Variants in CACNA1C observed in about 807,000 individuals in gnomAD.
CACNA1C encodes the protein voltage-dependent L-type calcium channel subunit alpha-1C.
Under a neutral mutation model 229.0 loss-of-function variants are expected in CACNA1C, and 30 were observed. The ratio of observed to expected loss-of-function variants is 0.13; its 90% confidence interval spans 0.10 to 0.18. CACNA1C has a LOEUF of 0.18. Among genes scored for constraint, CACNA1C ranks in the 10% least tolerant of loss-of-function variants. The probability of loss-of-function intolerance (pLI) is 1.00; values close to 1 mark genes in which losing one functional copy is unlikely to be tolerated. For missense variants in CACNA1C, 1,658 were observed against 2,845.0 expected (o/e 0.58, Z 9.49); for synonymous variants, 1,114 against 1,132.5 (o/e 0.98, Z 0.33).
chr12:2,127,905 A>G (rs766680070), intron 3 of CACNA1C, among the ~76,000 whole-genome samples: 2 of 152,216 alleles, frequency 1.3e-5, no homozygotes, highest in Non-Finnish European at 2.9e-5. Flanking sequence ...TTGAGTGACC[A>G]CCAGGTACCA....
At chr12:2,191,211 G>A (rs1200249962) in intron 3 of CACNA1C, among the ~76,000 whole-genome samples, 2 of 152,156 alleles carry the variant, frequency 1.3e-5, no homozygotes, top group Non-Finnish European at 2.9e-5. Context: ...GCAGGGGCAT[G>A]AGAAGAGCAG....
intron 3 of CACNA1C, among the ~76,000 whole-genome samples, chr12:2,325,342 G>C (rs1193203991): frequency 6.6e-6 from 1 of 152,252 alleles, no homozygotes; most frequent in Non-Finnish European, 1.5e-5. Flanking sequence ...GGAAATAGTA[G>C]ATTAGTTTAC....
chr12:2,072,410 G>A (rs550369872), intron 1 of CACNA1C, among the ~76,000 whole-genome samples: 10 of 152,058 alleles, frequency 6.6e-5, no homozygotes, highest in African/African-American at 2.4e-4. Context: ...GTGTTGCCCT[G>A]GCTGGTCTCA....
chr12:2,669,957 CA>C (rs1276335910), intron 38 of CACNA1C, among the ~76,000 whole-genome samples: 1 of 152,192 alleles, frequency 6.6e-6, no homozygotes, highest in Non-Finnish European at 1.5e-5. Flanking sequence ...CTGTATTAAA[CA>C]CACCTAACAA....
intron 3 of CACNA1C, among the ~76,000 whole-genome samples, chr12:2,326,787 C>T (rs530484552): frequency 6.6e-6 from 1 of 152,336 alleles, no homozygotes; most frequent in South Asian, 2.1e-4. Flanking sequence ...TCGATCTCTC[C>T]TCATTTCATG....
At chr12:2,655,697 C>G (rs986948064) in intron 34 of CACNA1C, among the ~76,000 whole-genome samples, 2 of 152,194 alleles carry the variant, frequency 1.3e-5, no homozygotes, top group African/African-American at 4.8e-5. Flanking sequence ...TCACTTAATC[C>G]TCAACACAAT....
chr12:2,158,140 A>T (rs1370364313), intron 3 of CACNA1C, among the ~76,000 whole-genome samples: 1 of 152,224 alleles, frequency 6.6e-6, no homozygotes. Flanking sequence ...CACCAATGAG[A>T]CAGTTCTAGT....
At position 2,514,252 on chromosome 12, in the gene CACNA1C, C is replaced by T. The variant is rs1022070668; in HGVS notation, c.1390+1268C>T. On this transcript the variant is annotated intron_variant, in intron 9 of 46. Transcript: ENST00000399655. Reference sequence around the variant, plus strand: ...GGACGAAGATAGCCAAAGATGTTCACGGGAGCAGAATCTCTGCTCCCTCAT... The same window carrying T: ...GGACGAAGATAGCCAAAGATGTTCATGGGAGCAGAATCTCTGCTCCCTCAT... 5.9e-5 allele frequency among the ~76,000 whole-genome samples: 9 copies of T among 152,268 alleles called. No homozygotes were observed. The South Asian group carries it at 8.3e-4, about 14-fold the overall frequency.
At chr12:2,366,462 G>T (rs1251254708) in intron 3 of CACNA1C, among the ~76,000 whole-genome samples, 1 of 152,142 alleles carries the variant, frequency 6.6e-6, no homozygotes, top group Admixed American at 6.5e-5. Context: ...AGGAAATATT[G>T]GGTGCTGGAG....
intron 3 of CACNA1C, among the ~76,000 whole-genome samples, chr12:2,366,471 A>C (rs2097720938): frequency 6.6e-6 from 1 of 152,242 alleles, no homozygotes; most frequent in Non-Finnish European, 1.5e-5. Flanking sequence ...TGGGTGCTGG[A>C]GGGAAGCAGG....
In CACNA1C at chr12:2,285,955, CAG is replaced by C. The variant is rs922355611; in HGVS notation, c.478-163020_478-163019del. Among the ~76,000 whole-genome samples, 12 of 152,178 alleles carry C rather than the reference CAG, an allele frequency of 7.9e-5. No homozygotes were observed. The highest frequency in any genetic ancestry group is 2.6e-4 in the Admixed American group (4 of 15,286). On this transcript the variant is annotated intron_variant, in intron 3 of 46. Coordinates refer to ENST00000399655, the MANE Select transcript of CACNA1C (RefSeq NM_000719.7). This position sits in a 1 kb window ranked among gnomAD's most constrained non-coding sequence, Gnocchi z 4.2. Reference sequence around the variant, plus strand: ...TTTAGGCGAGCCCTCATGTTATAGTCAGGGAGTTTGAGGCCCAGGGACATTTC... The same window carrying C: ...TTTAGGCGAGCCCTCATGTTATAGTCGGAGTTTGAGGCCCAGGGACATTTC...
In CACNA1C at chr12:2,581,637, T is replaced by C; in HGVS notation, c.1943T>C (p.Val648Ala). 6.3e-7 allele frequency: 1 copy of C among 1,590,726 alleles called. No individual in the cohort carries two copies. The highest frequency in any genetic ancestry group is 8.6e-7 in the Non-Finnish European group (1 of 1,167,762). ...SNLVASLLNS[V>A]RSIASLLLLL... ...CTGGTGGCATCCTTGCTGAACTCTG[T>C]GCGCTCCATCGCCTCCCTGCTCCTT... The change falls in exon 14 of 47, where the codon GTG (valine) becomes GCG (alanine). Residue 648 changes from valine to alanine, a missense_variant. This residue lies in a region of CACNA1C where 30 missense variants were observed against 96.6 expected (regional missense o/e 0.31). Coordinates refer to ENST00000399655, the MANE Select transcript of CACNA1C (RefSeq NM_000719.7).
intron 3 of CACNA1C, among the ~76,000 whole-genome samples, chr12:2,425,060 T>G (rs1261881408): frequency 6.6e-6 from 1 of 152,264 alleles, no homozygotes; most frequent in Non-Finnish European, 1.5e-5. Flanking sequence ...GCCCTGGGGC[T>G]AATGCAGGCC....
At chr12:2,241,707 A>C (rs1022218437) in intron 3 of CACNA1C, among the ~76,000 whole-genome samples, 3 of 152,188 alleles carry the variant, frequency 2.0e-5, no homozygotes, top group Admixed American at 6.5e-5. Flanking sequence ...TCCGTGGCTC[A>C]GAAGCAGCTA....
In CACNA1C at chr12:2,333,473, C is replaced by T. The variant is rs1199733164; in HGVS notation, c.478-115503C>T. On this transcript the variant is annotated intron_variant, in intron 3 of 46. Transcript: ENST00000399655. ...AAGCTTGTTATTAAATAACAAGCAT[C>T]CTTCCTGCGTTTTCTCCTGGAATTC... 2.0e-5 allele frequency among the ~76,000 whole-genome samples: 3 copies of T among 152,342 alleles called. No homozygotes were observed. In the East Asian group the frequency reaches 5.8e-4, roughly 29 times the overall value.
At chr12:2,567,901 A>G (rs528688873) in intron 13 of CACNA1C, 107 bp downstream of exon 13, 5 of 640,270 alleles carry the variant, frequency 7.8e-6, no homozygotes, top group Non-Finnish European at 2.8e-6. Context: ...TTCTTCCTCA[A>G]AGGGTGTCTC....
intron 29 of CACNA1C, among the ~76,000 whole-genome samples, chr12:2,623,846 C>A (rs2084755081): frequency 6.6e-6 from 1 of 152,196 alleles, no homozygotes; most frequent in Admixed American, 6.5e-5. Context: ...CCCTTCAGTT[C>A]TCCACCCACC....
chr12:2,665,066 C>T lies in CACNA1C; in HGVS notation c.4398+76C>T. On this transcript the variant is annotated intron_variant, in intron 35 of 46. Transcript: ENST00000399655. The surrounding 1 kb of genome is among the most constrained non-coding windows in gnomAD (Gnocchi z 5.9). The stretch of plus-strand genomic sequence containing the variant: ...GGGCAGTCTGAACCGTCCATCTCTG[C>T]AGCTCATGGTCAGGGCAACCCTATC... 1 of 1,500,772 alleles carries T rather than the reference C, an allele frequency of 6.7e-7. No homozygotes were observed. The highest frequency in any genetic ancestry group is 9.2e-7 in the Non-Finnish European group (1 of 1,083,398). The allele number at this position is 1,500,772 out of a possible 1,614,324, so 93.0% of individuals were successfully genotyped here. A position where few individuals can be genotyped will look rare whatever the true frequency, so the allele number is the denominator to read the frequency against.
intron 3 of CACNA1C, among the ~76,000 whole-genome samples, chr12:2,369,560 AGCTAATTT>A (rs1041082601): frequency 6.6e-6 from 1 of 152,000 alleles, no homozygotes; most frequent in African/African-American, 2.4e-5. Context: ...CACTGCAACC[AGCTAATTT>A]TTTTTTTGTA....
Sources: gnomAD v4.1 joint callset for allele counts (sites outside exome capture counted in the v4.1 genomes callset) on GRCh38, gnomAD v4.1.1 for gene constraint, gnomAD v4.1.1 regional missense constraint, Gnocchi (gnomAD v3.1) non-coding constraint, MANE v1.5 for transcripts, NCBI Gene and HGNC (gene_info 2026-07-23, HGNC 2026-07-21) for gene names.